The following NTM variants were observed in gnomAD, a reference collection of about 807,000 sequenced individuals.
NTM encodes IgLON family member 2.
Under a neutral mutation model 42.1 loss-of-function variants are expected in NTM, and 13 were observed. The observed-to-expected ratio is 0.31, with a 90% CI of 0.20 to 0.49. NTM has a LOEUF of 0.49. NTM is among the 20% of genes least tolerant of loss of function. The pLI, the probability that NTM is intolerant of heterozygous loss-of-function variation, is 0.99. For synonymous variants in NTM, 187 were observed against 179.2 expected (o/e 1.04, Z -0.35); for missense variants, 373 against 452.8 (o/e 0.82, Z 1.60).
intron 1 of NTM, among the ~76,000 whole-genome samples, chr11:131,578,399 T>C (rs1592106527): frequency 1.3e-5 from 2 of 152,152 alleles, no homozygotes; most frequent in Middle Eastern, 3.4e-3. Flanking sequence ...ATTTGAGCAG[T>C]AGATAATGGG....
chr11:131,764,173 C>T (rs186817470), intron 1 of NTM, among the ~76,000 whole-genome samples: 99 of 152,160 alleles, frequency 6.5e-4, no homozygotes, highest in African/African-American at 2.3e-3. Flanking sequence ...TTTGTTCACA[C>T]TGTATTTGGT....
At chr11:131,870,482 C>T (rs1337172408) in intron 1 of NTM, among the ~76,000 whole-genome samples, 1 of 152,128 alleles carries the variant, frequency 6.6e-6, no homozygotes. Flanking sequence ...ATGGGTGCCC[C>T]AGCCTGGTCA....
At chr11:132,191,131 CT>C (rs1199936738) in intron 3 of NTM, among the ~76,000 whole-genome samples, 1 of 152,158 alleles carries the variant, frequency 6.6e-6, no homozygotes, top group Non-Finnish European at 1.5e-5. Context: ...TTGCAGCCCC[CT>C]ACCCCTGCAC....
intron 1 of NTM, among the ~76,000 whole-genome samples, chr11:131,895,030 G>A (rs1382041249): frequency 6.6e-6 from 1 of 152,176 alleles, no homozygotes; most frequent in East Asian, 1.9e-4. Context: ...CAAGCCTGAA[G>A]AAGCTTCTGG....
intron 6 of NTM, 44 bp from the exon 7 acceptor site, chr11:132,314,508 A>G (rs759164054): frequency 6.3e-7 from 1 of 1,580,140 alleles, no homozygotes; most frequent in Non-Finnish European, 8.6e-7. Context: ...ATGAGGACAC[A>G]TAACCATCTT....
intron 1 of NTM, among the ~76,000 whole-genome samples, chr11:131,449,856 G>T (rs1950352162): frequency 6.6e-6 from 1 of 152,128 alleles, no homozygotes; most frequent in African/African-American, 2.4e-5. Flanking sequence ...AACCCACTCT[G>T]CTTGCCAGAT....
At chr11:132,244,350 A>C (rs901657465) in intron 4 of NTM, among the ~76,000 whole-genome samples, 1 of 152,238 alleles carries the variant, frequency 6.6e-6, no homozygotes, top group African/African-American at 2.4e-5. Flanking sequence ...TATTAAAGAC[A>C]GCTGCGAGGA....
chr11:132,275,704 A>ACG (rs2093681939), intron 4 of NTM, among the ~76,000 whole-genome samples: 1 of 126,684 alleles, frequency 7.9e-6, no homozygotes, highest in African/African-American at 2.9e-5. Flanking sequence ...ATATATATGT[A>ACG]TATATATATG....
chr11:132,117,308 T>G (rs910315518), intron 2 of NTM, among the ~76,000 whole-genome samples: 7 of 152,168 alleles, frequency 4.6e-5, no homozygotes, highest in African/African-American at 1.2e-4. Flanking sequence ...GTTGATTGAG[T>G]TTGAAAAGGT....
At chr11:131,637,241 C>G (rs2064517918) in intron 1 of NTM, among the ~76,000 whole-genome samples, 1 of 151,878 alleles carries the variant, frequency 6.6e-6, no homozygotes, top group Non-Finnish European at 1.5e-5. Flanking sequence ...GAATGTGGCC[C>G]CTGAGCTCGT....
intron 2 of NTM, among the ~76,000 whole-genome samples, chr11:132,108,352 T>C (rs1328838541): frequency 6.6e-6 from 1 of 152,214 alleles, no homozygotes; most frequent in African/African-American, 2.4e-5. Context: ...CAAAAACATA[T>C]TTTTAAGGAA....
intron 3 of NTM, among the ~76,000 whole-genome samples, chr11:132,191,048 A>C (rs2079236416): frequency 1.3e-5 from 2 of 152,160 alleles, no homozygotes; most frequent in African/African-American, 4.8e-5. Context: ...ATGTAGTAAG[A>C]GTAGAATAGA....
intron 1 of NTM, among the ~76,000 whole-genome samples, chr11:131,497,357 T>G: frequency 8.5e-6 from 1 of 117,598 alleles, no homozygotes; most frequent in South Asian, 3.5e-4. Flanking sequence ...CCTGGCTAAC[T>G]TTTGTATTTT....
chr11:132,155,531 C>T (rs897824673), intron 3 of NTM, among the ~76,000 whole-genome samples: 1 of 152,096 alleles, frequency 6.6e-6, no homozygotes, highest in Non-Finnish European at 1.5e-5. Flanking sequence ...CCTCAGCCGC[C>T]TCCGCGGAGC....
intron 3 of NTM, among the ~76,000 whole-genome samples, chr11:132,203,305 A>G (rs972468388): frequency 2.0e-5 from 3 of 151,926 alleles, no homozygotes; most frequent in African/African-American, 7.2e-5. Context: ...ACACTAAGAA[A>G]GGACATTTGA....
At chr11:131,834,822 C>T (rs2043288817) in intron 1 of NTM, among the ~76,000 whole-genome samples, 1 of 151,846 alleles carries the variant, frequency 6.6e-6, no homozygotes, top group Non-Finnish European at 1.5e-5. Flanking sequence ...TTAGATCACC[C>T]TGCTATACTG....
chr11:131,462,849 G>C (rs908050059), intron 1 of NTM, among the ~76,000 whole-genome samples: 1 of 151,766 alleles, frequency 6.6e-6, no homozygotes, highest in Non-Finnish European at 1.5e-5. Context: ...TCTCACTAGA[G>C]TAGGCCCACC....
chr11:131,960,896 A>G (rs188833867), intron 2 of NTM, among the ~76,000 whole-genome samples: 3 of 152,266 alleles, frequency 2.0e-5, no homozygotes, highest in East Asian at 3.9e-4. Context: ...AGGAGGGTCA[A>G]TATTGCTTTT....
intron 2 of NTM, among the ~76,000 whole-genome samples, chr11:131,996,598 T>C (rs951633417): frequency 6.6e-6 from 1 of 152,048 alleles, no homozygotes; most frequent in Non-Finnish European, 1.5e-5. Context: ...ATCTCCACTT[T>C]ACAGTTGAGG....
Sources: allele counts gnomAD v4.1 joint callset (sites outside exome capture counted in the v4.1 genomes callset), GRCh38; gene constraint gnomAD v4.1.1; transcripts MANE v1.5; gene names NCBI Gene and HGNC (gene_info 2026-07-23, HGNC 2026-07-21).